Variants in NETO2 observed in about 807,000 individuals in gnomAD.
NETO2 encodes the protein neuropilin and tolloid-like protein 2.
A neutral mutation model predicts 62.5 loss-of-function variants in NETO2; 28 were observed. That is an observed-to-expected ratio of 0.45 (90% confidence interval 0.33 to 0.61). The LOEUF is 0.61. Ranked by LOEUF, NETO2 falls within the 20% of genes least tolerant of loss-of-function variation. The pLI, the probability that NETO2 is intolerant of heterozygous loss-of-function variation, is 0.02. For missense variants in NETO2, 548 were observed against 643.2 expected (o/e 0.85, Z 1.60); for synonymous variants, 214 against 219.1 (o/e 0.98, Z 0.21).
At chr16:47,091,476 C>T (rs1963312283) in intron 7 of NETO2, among the ~76,000 whole-genome samples, 1 of 152,066 alleles carries the variant, frequency 6.6e-6, no homozygotes, top group South Asian at 2.1e-4. Flanking sequence ...GAGCAAGTAG[C>T]CACATTAAAA....
At chr16:47,090,961 A>G (rs939956060) in intron 7 of NETO2, among the ~76,000 whole-genome samples, 5 of 152,228 alleles carry the variant, frequency 3.3e-5, no homozygotes, top group Non-Finnish European at 7.3e-5. Context: ...ACCTCTTCTG[A>G]AATACTAATT....
intron 2 of NETO2, among the ~76,000 whole-genome samples, chr16:47,131,696 A>C (rs1964269234): frequency 6.6e-6 from 1 of 152,196 alleles, no homozygotes; most frequent in African/African-American, 2.4e-5. Context: ...ATAAAATATA[A>C]ATCTCCTTTA....
rs1371301228 is a variant in NETO2 at position 47,079,810 on chromosome 16, T to C, written c.*3411A>G. On this transcript the variant is annotated 3_prime_UTR_variant, in exon 9 of 9. Transcript: ENST00000562435. ...ATAATTCATGTCACTTGCAATAAAGTGACATGAACAATATATAGCAGACCC... is the reference window on the plus strand; with the variant it reads ...ATAATTCATGTCACTTGCAATAAAGCGACATGAACAATATATAGCAGACCC... The C allele has an allele frequency of 6.6e-6, 1 of 152,190 alleles. No individual in the cohort carries two copies. Among genetic ancestry groups the C allele is most frequent in the Non-Finnish European group, 1.5e-5 (1 of 68,036 alleles). The allele number at this position is 152,190 out of a possible 1,614,324, so 9.4% of individuals were successfully genotyped here.
At chr16:47,132,990 T>C (rs552716246) in intron 1 of NETO2, among the ~76,000 whole-genome samples, 2 of 152,300 alleles carry the variant, frequency 1.3e-5, no homozygotes, top group African/African-American at 4.8e-5. Flanking sequence ...GTTGTGAAGA[T>C]TAAATGAGAT....
At chr16:47,101,275 G>C (rs997249506) in intron 7 of NETO2, among the ~76,000 whole-genome samples, 4 of 152,104 alleles carry the variant, frequency 2.6e-5, no homozygotes, top group African/African-American at 9.7e-5. Flanking sequence ...GGTATTGATG[G>C]AACGTATCTC....
At position 47,143,739 on chromosome 16, in the gene NETO2, C is replaced by A; in HGVS notation, c.-127G>T. The A allele has an allele frequency of 1.7e-6, 2 of 1,159,370 alleles. No homozygotes were observed. Among genetic ancestry groups the A allele is most frequent in the Non-Finnish European group, 2.2e-6 (2 of 928,968 alleles). The allele number at this position is 1,159,370 out of a possible 1,614,324, so 71.8% of individuals were successfully genotyped here. On this transcript the variant is annotated 5_prime_UTR_variant, in exon 1 of 9. Coordinates refer to ENST00000562435, the MANE Select transcript of NETO2 (RefSeq NM_018092.5). ...TCGCCGGCCAGCAGCTGCCTCCCCG[C>A]TCCCCTGAGGAGAGCTCAGGTCCTG...
chr16:47,083,406 A>G lies in NETO2; in HGVS notation c.1393T>C (p.Phe465Leu). ...GTTTTCATTGGCTGTGGTTGTGCAA[A>G]GTCATTTCGGAAAGGAAGTTCCATG... ...SSMELPFRNDFAQPQPMKTFN... is the reference protein window; with the variant it reads ...SSMELPFRNDLAQPQPMKTFN... The change falls in exon 9 of 9, where the codon TTT (phenylalanine) becomes CTT (leucine). Residue 465 changes from phenylalanine to leucine, a missense_variant. By Grantham distance (22) the Phe-to-Leu change is conservative. Coordinates refer to ENST00000562435, the MANE Select transcript of NETO2 (RefSeq NM_018092.5). 1 of 1,614,150 alleles carries G rather than the reference A, an allele frequency of 6.2e-7. No individual in the cohort carries two copies. Among genetic ancestry groups the G allele is most frequent in the Non-Finnish European group, 8.5e-7 (1 of 1,180,020 alleles).
At chr16:47,134,317 G>A (rs963401755) in intron 1 of NETO2, among the ~76,000 whole-genome samples, 9 of 152,094 alleles carry the variant, frequency 5.9e-5, no homozygotes, top group African/African-American at 2.2e-4. Context: ...TCTCAATAAC[G>A]TTAATTTCCC....
At chr16:47,135,598 G>A (rs1194101624) in intron 1 of NETO2, among the ~76,000 whole-genome samples, 1 of 152,074 alleles carries the variant, frequency 6.6e-6, no homozygotes, top group East Asian at 1.9e-4. Context: ...TCACTCAGAT[G>A]ATAAAAGACA....
intron 4 of NETO2, among the ~76,000 whole-genome samples, chr16:47,126,933 G>A (rs778335678): frequency 1.3e-5 from 2 of 152,096 alleles, no homozygotes; most frequent in Non-Finnish European, 2.9e-5. Context: ...GTACTAACAG[G>A]CAAACATCTG....
At chr16:47,136,961 C>A (rs1386845627) in intron 1 of NETO2, among the ~76,000 whole-genome samples, 1 of 152,002 alleles carries the variant, frequency 6.6e-6, no homozygotes, top group Non-Finnish European at 1.5e-5. Context: ...AAAGATTAGA[C>A]CATCATAAAA....
chr16:47,090,140 C>G (rs1169954655), intron 7 of NETO2, among the ~76,000 whole-genome samples: 1 of 152,042 alleles, frequency 6.6e-6, no homozygotes, highest in East Asian at 1.9e-4. Context: ...TTTATAACTT[C>G]AAAGGTGGCC....
In NETO2 at chr16:47,081,221, T is replaced by C. The variant is rs964474668; in HGVS notation, c.*2000A>G. The C allele has an allele frequency of 1.3e-5, 2 of 152,186 alleles. No individual in the cohort carries two copies. Among genetic ancestry groups the C allele is most frequent in the African/African-American group, 4.8e-5 (2 of 41,474 alleles). The allele number at this position is 152,186 out of a possible 1,614,324, so 9.4% of individuals were successfully genotyped here. ...CATAGAAAATATGCTAACTTCCCTT[T>C]TATCATCATAAGATCATAGTTGTTG... On this transcript the variant is annotated 3_prime_UTR_variant, in exon 9 of 9. Coordinates refer to ENST00000562435, the MANE Select transcript of NETO2 (RefSeq NM_018092.5).
intron 7 of NETO2, among the ~76,000 whole-genome samples, chr16:47,101,663 G>C (rs1479330390): frequency 6.6e-6 from 1 of 152,110 alleles, no homozygotes; most frequent in Non-Finnish European, 1.5e-5. Flanking sequence ...GCCAAATCAT[G>C]AGTGAACTCC....
chr16:47,082,087 CTT>C lies in NETO2; in HGVS notation c.*1132_*1133del, dbSNP rs1963073909. On this transcript the variant is annotated 3_prime_UTR_variant, in exon 9 of 9. Transcript: ENST00000562435. ...TCAAAAGTCTAAAAAACACAATGAG[CTT>C]TTATGTTTATAAATTATTGTTTTTA... The C allele has an allele frequency of 6.6e-6, 1 of 152,436 alleles. No homozygotes were observed. Among genetic ancestry groups the C allele is most frequent in the African/African-American group, 2.4e-5 (1 of 41,378 alleles). 9.4% of individuals were successfully genotyped at this position (152,436 alleles called of 1,614,324 possible).
chr16:47,086,364 C>T, intron 7 of NETO2, 25 bp from the exon 8 acceptor site: 7 of 1,500,252 alleles, frequency 4.7e-6, no homozygotes, highest in Non-Finnish European at 6.5e-6. Flanking sequence ...AACAGTGTTG[C>T]AAAGAGCAGG....
intron 7 of NETO2, among the ~76,000 whole-genome samples, chr16:47,102,775 TAA>T (rs1963583492): frequency 1.3e-5 from 2 of 152,108 alleles, no homozygotes; most frequent in African/African-American, 4.8e-5. Context: ...TGGCTATCAC[TAA>T]AAAGTCAGAA....
At chr16:47,083,894 T>C in intron 8 of NETO2, 93 bp from the exon 9 acceptor site, 1 of 910,982 alleles carries the variant, frequency 1.1e-6, no homozygotes, top group South Asian at 1.8e-5. Context: ...TAAAACAGAA[T>C]ACTTGGGCCA....
intron 7 of NETO2, among the ~76,000 whole-genome samples, chr16:47,108,591 A>G (rs1963721071): frequency 6.6e-6 from 1 of 152,200 alleles, no homozygotes; most frequent in African/African-American, 2.4e-5. Context: ...ACATTCTACT[A>G]AACTGGCTAG....
Sources: allele counts gnomAD v4.1 joint callset (sites outside exome capture counted in the v4.1 genomes callset), GRCh38; gene constraint gnomAD v4.1.1; transcripts MANE v1.5; gene names NCBI Gene and HGNC (gene_info 2026-07-23, HGNC 2026-07-21).